The following ADAM29 variants were observed in gnomAD, a reference collection of about 807,000 sequenced individuals.
ADAM29 encodes the protein ADAM metallopeptidase domain 29, also known as disintegrin and metalloproteinase domain-containing protein 29.
For synonymous variants in ADAM29, 367 were observed against 342.3 expected (o/e 1.07, Z -0.80); for missense variants, 969 against 1,001.8 (o/e 0.97, Z 0.44).
At chr4:174,974,330 T>C (rs1368904341) in intron 4 of ADAM29, among the ~76,000 whole-genome samples, 1 of 152,230 alleles carries the variant, frequency 6.6e-6, no homozygotes, top group Non-Finnish European at 1.5e-5. Flanking sequence ...AAGATCTGTC[T>C]AGCACCCAGT....
chr4:174,930,327 A>T (rs773039682), intron 2 of ADAM29, among the ~76,000 whole-genome samples: 38 of 152,192 alleles, frequency 2.5e-4, no homozygotes, highest in Non-Finnish European at 4.6e-4. Context: ...TGAATAATTA[A>T]AGCAATTTTC....
chr4:174,949,510 G>T (rs569030648), intron 4 of ADAM29, among the ~76,000 whole-genome samples: 1 of 152,012 alleles, frequency 6.6e-6, no homozygotes, highest in Non-Finnish European at 1.5e-5. Context: ...TTACCCCTTC[G>T]CCAGGAGTCA....
rs149138595 is a variant in ADAM29, at chr4:174,927,759, GCA to G, written c.-450-3224_-450-3223del. Among the ~76,000 whole-genome samples the G allele has an allele frequency of 9.7e-3, 1,471 of 152,228 alleles. 23 individuals are homozygous for G. Among genetic ancestry groups the G allele is most frequent in the African/African-American group, 0.032 (1,344 of 41,520 alleles). ...GGCGAGGTCCCTCTTGCTGGTTGGT[GCA>G]CAGCTACCTGGGTATTCCTGGATGT... On this transcript the variant is annotated intron_variant, in intron 2 of 4. Coordinates refer to ENST00000359240, the MANE Select transcript of ADAM29 (RefSeq NM_014269.4).
intron 4 of ADAM29, among the ~76,000 whole-genome samples, chr4:174,951,571 T>C (rs867369993): frequency 2.0e-5 from 3 of 152,234 alleles, no homozygotes; most frequent in African/African-American, 7.2e-5. Flanking sequence ...AAATTGTATT[T>C]GCAGTTATGT....
intron 4 of ADAM29, among the ~76,000 whole-genome samples, chr4:174,968,496 G>A (rs982651509): frequency 5.3e-5 from 8 of 152,104 alleles, no homozygotes; most frequent in African/African-American, 1.7e-4. Context: ...CTTTTTGTAC[G>A]TAAGCACTTT....
At chr4:174,947,451 T>C (rs1416777791) in intron 4 of ADAM29, among the ~76,000 whole-genome samples, 1 of 152,192 alleles carries the variant, frequency 6.6e-6, no homozygotes, top group African/African-American at 2.4e-5. Context: ...TATCATAGTT[T>C]TCATTAGTTT....
At chr4:174,943,127 A>G (rs1744640164) in intron 4 of ADAM29, among the ~76,000 whole-genome samples, 1 of 152,180 alleles carries the variant, frequency 6.6e-6, no homozygotes, top group African/African-American at 2.4e-5. Flanking sequence ...CTCCACCTGA[A>G]ACCACCTCAG....
chr4:174,963,317 G>T (rs894127481), intron 4 of ADAM29, among the ~76,000 whole-genome samples: 3 of 152,104 alleles, frequency 2.0e-5, no homozygotes, highest in Non-Finnish European at 4.4e-5. Flanking sequence ...TAAACACACG[G>T]TGTAATTTTT....
chr4:174,975,195 A>T (rs940359163), intron 4 of ADAM29, among the ~76,000 whole-genome samples, 151 bp from the exon 5 acceptor site: 6 of 152,118 alleles, frequency 3.9e-5, no homozygotes, highest in African/African-American at 1.4e-4. Context: ...TTCAGAGCAA[A>T]TTCTAGGCAA....
At chr4:174,933,459 T>G (rs978859052) in intron 3 of ADAM29, among the ~76,000 whole-genome samples, 1 of 152,090 alleles carries the variant, frequency 6.6e-6, no homozygotes, top group African/African-American at 2.4e-5. Flanking sequence ...AGAAGTTACA[T>G]GCCTACCAAG....
At chr4:174,933,057 G>A (rs1743993282) in intron 3 of ADAM29, among the ~76,000 whole-genome samples, 1 of 151,664 alleles carries the variant, frequency 6.6e-6, no homozygotes, top group East Asian at 2.0e-4. Flanking sequence ...TTAAGGAACA[G>A]AAAGCAAACG....
In ADAM29 at chr4:174,972,079, C is replaced by T. The variant is rs918522215; in HGVS notation, c.-180-3267C>T. Among the ~76,000 whole-genome samples, 8 of 152,256 alleles carry T rather than the reference C, an allele frequency of 5.3e-5. No individual in the cohort carries two copies. The South Asian group carries it at 1.7e-3, about 32-fold the overall frequency. On this transcript the variant is annotated intron_variant, in intron 4 of 4. Transcript: ENST00000359240. ...TATTTTCTATGGCTTTGTTGAAATTCTAACTTTTTTCCTGCATTTTTCTCT... is the reference window on the plus strand; with the variant it reads ...TATTTTCTATGGCTTTGTTGAAATTTTAACTTTTTTCCTGCATTTTTCTCT...
At chr4:174,943,949 C>T (rs1449336890) in intron 4 of ADAM29, among the ~76,000 whole-genome samples, 2 of 151,930 alleles carry the variant, frequency 1.3e-5, no homozygotes, top group Non-Finnish European at 2.9e-5. Context: ...TCCATAATTG[C>T]CCCCATCTTT....
intron 4 of ADAM29, among the ~76,000 whole-genome samples, chr4:174,963,150 A>T (rs1356334456): frequency 2.6e-5 from 4 of 152,320 alleles, no homozygotes; most frequent in South Asian, 2.1e-4. Context: ...AAGGAAAAAA[A>T]ATATAAATGC....
At chr4:174,934,588 T>C (rs981068606) in intron 3 of ADAM29, among the ~76,000 whole-genome samples, 7 of 152,228 alleles carry the variant, frequency 4.6e-5, no homozygotes, top group African/African-American at 1.7e-4. Flanking sequence ...ACCAAAACTC[T>C]TCTTTTTCAA....
chr4:174,944,079 T>G (rs1335664688), intron 4 of ADAM29, among the ~76,000 whole-genome samples: 1 of 151,690 alleles, frequency 6.6e-6, no homozygotes, highest in East Asian at 1.9e-4. Flanking sequence ...TATATGTTGT[T>G]AAATATAAAA....
At chr4:174,940,054 A>G (rs1744440475) in intron 4 of ADAM29, among the ~76,000 whole-genome samples, 1 of 151,694 alleles carries the variant, frequency 6.6e-6, no homozygotes, top group Admixed American at 6.6e-5. Context: ...TCAGAAACAT[A>G]TATAAAGGGT....
At position 174,977,130 on chromosome 4, in the gene ADAM29, T is replaced by C. The variant is rs1404271261; in HGVS notation, c.1605T>C (p.Gly535=). ...NTLGDRVGHC[G]IKNATYIKCN... is the part of the protein sequence containing the mutation. ...TAGGTGACCGTGTTGGTCACTGTGGTATCAAAAATGCTACATATATAAAGT... is the reference window on the plus strand; with the variant it reads ...TAGGTGACCGTGTTGGTCACTGTGGCATCAAAAATGCTACATATATAAAGT... Residue 535 remains glycine, a synonymous_variant, in exon 5 of 5, where the codon GGT becomes GGC. Transcript: ENST00000359240. 4 of 1,613,964 alleles carry C rather than the reference T, an allele frequency of 2.5e-6. No homozygotes were observed. Among genetic ancestry groups the C allele is most frequent in the Non-Finnish European group, 3.4e-6 (4 of 1,180,006 alleles).
intron 4 of ADAM29, among the ~76,000 whole-genome samples, chr4:174,971,694 A>T (rs1311690300): frequency 6.6e-6 from 1 of 152,090 alleles, no homozygotes; most frequent in African/African-American, 2.4e-5. Context: ...GTTTGAGTTC[A>T]TCTTATTTGG....
Sources: gnomAD v4.1 joint callset for allele counts (sites outside exome capture counted in the v4.1 genomes callset) on GRCh38, gnomAD v4.1.1 for gene constraint, MANE v1.5 for transcripts, NCBI Gene and HGNC (gene_info 2026-07-23, HGNC 2026-07-21) for gene names.